Variants in SH3PXD2A observed in about 807,000 individuals in gnomAD.
SH3PXD2A encodes the protein SH3 and PX domain-containing protein 2A.
A neutral mutation model predicts 115.2 loss-of-function variants in SH3PXD2A; 32 were observed. That is an observed-to-expected ratio of 0.28 (90% CI 0.21 to 0.37). The LOEUF (loss-of-function observed/expected upper bound fraction) is 0.37. SH3PXD2A is among the 10% of genes least tolerant of loss of function. SH3PXD2A has a pLI of 1.00. For synonymous variants in SH3PXD2A, 610 were observed against 629.1 expected, an observed-to-expected ratio of 0.97 and a Z score of 0.45; for missense variants, 1,328 against 1,498.7, an observed-to-expected ratio of 0.89 and a Z score of 1.88.
chr10:103,778,280 C>G (rs965876744), intron 2 of SH3PXD2A, among the ~76,000 whole-genome samples: 1 of 152,172 alleles, frequency 6.6e-6, no homozygotes. Flanking sequence ...TGCAGTGAAC[C>G]GAGATCGTGC....
chr10:103,661,495 G>A (rs1196149378), intron 7 of SH3PXD2A: 1 of 244,486 alleles, frequency 4.1e-6, no homozygotes, highest in Admixed American at 6.5e-5. Flanking sequence ...GGCCGACGGG[G>A]TCTCTCCGGC....
intron 8 of SH3PXD2A, among the ~76,000 whole-genome samples, chr10:103,650,231 C>T (rs1452637519): frequency 6.6e-6 from 1 of 152,152 alleles, no homozygotes; most frequent in African/African-American, 2.4e-5. Flanking sequence ...CCCTCCTCCC[C>T]TCACCTGGCA....
intron 8 of SH3PXD2A, among the ~76,000 whole-genome samples, chr10:103,644,136 A>T (rs1354205899): frequency 7.1e-6 from 1 of 140,506 alleles, no homozygotes; most frequent in Non-Finnish European, 1.6e-5. Context: ...AAAAAAAAAA[A>T]AAAGAATCTG....
rs114508647 is a variant in SH3PXD2A at position 103,684,377 on chromosome 10, G to C, written c.427+8651C>G. On this transcript the variant is annotated intron_variant, in intron 6 of 14. Coordinates refer to ENST00000369774, the MANE Select transcript of SH3PXD2A (RefSeq NM_001394015.1). ...AGGTAGACTAACCCTTTTTTTTTTT[G>C]AGACGGAATCTCACTCTGTCACCCA... Among the ~76,000 whole-genome samples, 1,065 of 131,702 alleles carry C rather than the reference G, an allele frequency of 8.1e-3. 16 individuals carry two copies. The highest frequency in any genetic ancestry group is 0.027 in the African/African-American group (1,005 of 36,836). 86.4% of individuals were successfully genotyped at this position (131,702 alleles called of 152,430 possible). A position where few individuals can be genotyped will look rare whatever the true frequency, so the allele number is the denominator to read the frequency against.
intron 7 of SH3PXD2A, among the ~76,000 whole-genome samples, chr10:103,662,386 CTTTTTTTTTTT>C (rs571936334): frequency 7.6e-5 from 3 of 39,714 alleles, no homozygotes; most frequent in South Asian, 1.0e-3. Flanking sequence ...ATATGATGTG[CTTTTTTTTTTT>C]TTTTTTTTTT....
rs1419406658 is a variant in SH3PXD2A at position 103,600,748 on chromosome 10, G to C, written c.*1068C>G. The stretch of plus-strand genomic sequence containing the variant: ...GGCTTGCCTAGCCCCAAATTTTTCT[G>C]GCAGGCGCCAAGCTCCAGCACAGTC... On this transcript the variant is annotated 3_prime_UTR_variant, in exon 15 of 15. Transcript: ENST00000369774. The C allele has an allele frequency of 6.6e-6, 1 of 152,148 alleles. No individual in the cohort carries two copies. Among genetic ancestry groups the C allele is most frequent in the Non-Finnish European group, 1.5e-5 (1 of 68,034 alleles). 9.4% of individuals were successfully genotyped at this position (152,148 alleles called of 1,614,324 possible).
At chr10:103,616,566 G>A (rs1007840043) in intron 11 of SH3PXD2A, among the ~76,000 whole-genome samples, 1 of 152,236 alleles carries the variant, frequency 6.6e-6, no homozygotes, top group African/African-American at 2.4e-5. Context: ...TTCTACGCTG[G>A]GAACTGTGAT....
chr10:103,772,868 A>G (rs2038841761), intron 2 of SH3PXD2A, among the ~76,000 whole-genome samples: 1 of 150,518 alleles, frequency 6.6e-6, no homozygotes, highest in African/African-American at 2.5e-5. Context: ...CTAGCTCAAG[A>G]AAAAAGGGTG....
At chr10:103,766,221 A>G (rs2038752849) in intron 3 of SH3PXD2A, among the ~76,000 whole-genome samples, 1 of 152,198 alleles carries the variant, frequency 6.6e-6, no homozygotes. Context: ...CTTCTTGCCA[A>G]GGTCTGACTG....
At chr10:103,785,916 A>G (rs1485181236) in intron 2 of SH3PXD2A, among the ~76,000 whole-genome samples, 1 of 151,822 alleles carries the variant, frequency 6.6e-6, no homozygotes, top group Non-Finnish European at 1.5e-5. Flanking sequence ...GGCTGACATA[A>G]GAGCGTAGAC....
In SH3PXD2A at chr10:103,736,710, T is replaced by C. The variant is rs112869172; in HGVS notation, c.230-902A>G. ...GTCCATTCCTAGGCTATCTGCCACA[T>C]TCTGCTGTGAGTTATAGCACTTGTG... On this transcript the variant is annotated intron_variant, in intron 3 of 14. Coordinates refer to ENST00000369774, the MANE Select transcript of SH3PXD2A (RefSeq NM_001394015.1). The C allele has an allele frequency of 1.2e-3, 1,477 of 1,196,268 alleles. 26 individuals are homozygous for C. The African/African-American group carries it at 0.02, about 16-fold the overall frequency. 74.1% of individuals were successfully genotyped at this position (1,196,268 alleles called of 1,614,324 possible). A position where few individuals can be genotyped will look rare whatever the true frequency, so the allele number is the denominator to read the frequency against.
rs1250713140 is a variant in SH3PXD2A, at chr10:103,709,828, G to A, written c.398+14442C>T. Among the ~76,000 whole-genome samples, 3 of 152,234 alleles carry A rather than the reference G, an allele frequency of 2.0e-5. No individual in the cohort carries two copies. The East Asian group carries it at 5.8e-4, about 29-fold the overall frequency. The stretch of plus-strand genomic sequence containing the variant: ...GAGAATTAAAACATGTAGGCTGGCC[G>A]GGCAAGGTGGCTCATGCCTATAATC... On this transcript the variant is annotated intron_variant, in intron 5 of 14. Coordinates refer to ENST00000369774, the MANE Select transcript of SH3PXD2A (RefSeq NM_001394015.1).
At chr10:103,646,201 C>A (rs2037034049) in intron 8 of SH3PXD2A, among the ~76,000 whole-genome samples, 1 of 152,114 alleles carries the variant, frequency 6.6e-6, no homozygotes, top group South Asian at 2.1e-4. Flanking sequence ...CATCCTGGGG[C>A]CTCAGCTAGG....
intron 8 of SH3PXD2A, among the ~76,000 whole-genome samples, chr10:103,660,240 G>C (rs537987703): frequency 1.3e-5 from 2 of 152,236 alleles, no homozygotes; most frequent in Admixed American, 1.3e-4. Flanking sequence ...GTTGGGGGCC[G>C]AACAAGCCTG....
At chr10:103,785,829 C>A (rs904741594) in intron 2 of SH3PXD2A, among the ~76,000 whole-genome samples, 5 of 151,370 alleles carry the variant, frequency 3.3e-5, no homozygotes, top group African/African-American at 9.7e-5. Context: ...GCTTGGGATG[C>A]GGCCGCATCC....
chr10:103,831,043 TC>T (rs1564899529), intron 1 of SH3PXD2A, among the ~76,000 whole-genome samples: 1 of 152,258 alleles, frequency 6.6e-6, no homozygotes, highest in East Asian at 1.9e-4. Context: ...GAAGCATCCT[TC>T]CAGTCTGTGT....
intron 7 of SH3PXD2A, among the ~76,000 whole-genome samples, chr10:103,663,092 A>C (rs1026956760): frequency 3.3e-5 from 5 of 152,234 alleles, no homozygotes; most frequent in African/African-American, 1.2e-4. Context: ...GGCATAGGCC[A>C]CTGCGACTGG....
intron 5 of SH3PXD2A, among the ~76,000 whole-genome samples, chr10:103,694,600 C>G (rs1165722573): frequency 6.6e-6 from 1 of 152,162 alleles, no homozygotes; most frequent in Non-Finnish European, 1.5e-5. Flanking sequence ...TTGAGAACCC[C>G]CTTGGTATTC....
At chr10:103,722,073 CG>C (rs1261004920) in intron 5 of SH3PXD2A, among the ~76,000 whole-genome samples, 1 of 151,784 alleles carries the variant, frequency 6.6e-6, no homozygotes, top group Middle Eastern at 3.2e-3. Flanking sequence ...GAGGCTGAGG[CG>C]GGTGGATCCA....
Sources: allele counts gnomAD v4.1 joint callset (sites outside exome capture counted in the v4.1 genomes callset), GRCh38; gene constraint gnomAD v4.1.1; transcripts MANE v1.5; gene names NCBI Gene and HGNC (gene_info 2026-07-23, HGNC 2026-07-21).